THAP6: variants seen among roughly 807,000 people sequenced by gnomAD.
THAP6 encodes the protein THAP domain-containing protein 6.
Under a neutral mutation model 20.0 loss-of-function variants are expected in THAP6, and 13 were observed. The observed-to-expected ratio is 0.65, with a 90% CI of 0.42 to 1.03. The LOEUF (loss-of-function observed/expected upper bound fraction) is 1.03, where lower values mean the gene tolerates loss of function less well. Among genes scored for constraint, THAP6 ranks in the 50% least tolerant of loss-of-function variants. THAP6 has a pLI of 0.00. For synonymous variants in THAP6, 93 were observed against 92.2 expected (o/e 1.01, Z -0.05); for missense variants, 262 against 261.6 (o/e 1.00, Z -0.01).
At chr4:75,517,395 G>A (rs904591412) in intron 3 of THAP6, 6 of 158,242 alleles carry the variant, frequency 3.8e-5, no homozygotes, top group Admixed American at 1.2e-4. Flanking sequence ...TTCATTTGAA[G>A]TCTGTTCTTG....
intron 4 of THAP6, among the ~76,000 whole-genome samples, chr4:75,525,927 T>C (rs559597612): frequency 6.6e-6 from 1 of 152,336 alleles, no homozygotes; most frequent in African/African-American, 2.4e-5. Flanking sequence ...CTCATGTGCA[T>C]GTGCTGATCT....
Position 75,516,799 on chromosome 4 carries a change from G to C in THAP6, c.108G>C (p.Arg36Ser), listed in dbSNP as rs775749395. Residue 36 changes from arginine to serine, a missense_variant, in exon 3 of 5, where the codon AGG becomes AGC. Arg to Ser is a moderately radical substitution (Grantham distance 110). Coordinates refer to ENST00000311638, the MANE Select transcript of THAP6 (RefSeq NM_144721.6). The part of the protein sequence containing the change: ...HVFPTDENIK[R>S]KWVLAMKRLD... Reference sequence around the variant, plus strand: ...TCCCCACAGATGAAAACATCAAAAGGAAATGGGTATTAGCAATGAAAAGAC... The same window carrying C: ...TCCCCACAGATGAAAACATCAAAAGCAAATGGGTATTAGCAATGAAAAGAC... 4.3e-6 allele frequency: 7 copies of C among 1,613,636 alleles called. No homozygotes were observed. The highest frequency in any genetic ancestry group is 5.9e-6 in the Non-Finnish European group (7 of 1,179,894).
At chr4:75,520,860 A>C (rs1725977257) in intron 3 of THAP6, among the ~76,000 whole-genome samples, 1 of 152,162 alleles carries the variant, frequency 6.6e-6, no homozygotes, top group Non-Finnish European at 1.5e-5. Flanking sequence ...GCAAAATGTT[A>C]TCTTTTTGTT....
chr4:75,514,282 G>T (rs1218848396), upstream of THAP6: 1 of 1,611,506 alleles, frequency 6.2e-7, no homozygotes, highest in African/African-American at 1.3e-5. Context: ...GGCCGTCGCC[G>T]CCATCTCCTC....
intron 3 of THAP6, among the ~76,000 whole-genome samples, chr4:75,546,981 G>A (rs1034177567): frequency 5.3e-5 from 8 of 152,176 alleles, no homozygotes; most frequent in African/African-American, 1.9e-4. Context: ...CAGGGTGTGA[G>A]CAGGAGAAAA....
chr4:75,533,828 T>C (rs1190014659), downstream of THAP6, among the ~76,000 whole-genome samples: 1 of 152,136 alleles, frequency 6.6e-6, no homozygotes, highest in African/African-American at 2.4e-5. Flanking sequence ...TCCTTACATA[T>C]GTATACATGT....
At chr4:75,517,452 TAGG>T (rs1390245940) in intron 3 of THAP6, 1 of 153,948 alleles carries the variant, frequency 6.5e-6, no homozygotes, top group Non-Finnish European at 1.4e-5. Flanking sequence ...TAATGTGTAG[TAGG>T]AGTATTTTAC....
At chr4:75,516,654 C>A (rs564928830) in intron 2 of THAP6, 118 bp from the exon 3 acceptor site, 112 of 796,000 alleles carry the variant, frequency 1.4e-4, no homozygotes, top group Middle Eastern at 3.6e-4. Context: ...TATTATAATT[C>A]TCAAGACTAA....
chr4:75,538,930 A>T (rs2148831215), intron 2 of THAP6, among the ~76,000 whole-genome samples: 1 of 152,352 alleles, frequency 6.6e-6, no homozygotes, highest in African/African-American at 2.4e-5. Flanking sequence ...AGGGTCCATG[A>T]TGAGCACTAG....
Position 75,527,314 on chromosome 4 carries a change from G to A in THAP6, c.*100G>A. 2 of 1,520,252 alleles carry A rather than the reference G, an allele frequency of 1.3e-6. No individual in the cohort carries two copies. The highest frequency in any genetic ancestry group is 1.8e-6 in the Non-Finnish European group (2 of 1,136,732). The allele number at this position is 1,520,252 out of a possible 1,614,324, so 94.2% of individuals were successfully genotyped here. A position where few individuals can be genotyped will look rare whatever the true frequency, so the allele number is the denominator to read the frequency against. On this transcript the variant is annotated 3_prime_UTR_variant, in exon 5 of 5. Coordinates refer to ENST00000311638, the MANE Select transcript of THAP6 (RefSeq NM_144721.6). ...AATAATATCCATCATTTAAAGTGCT[G>A]CTTTGGATTCTCTGGAGCATTATGC... is the stretch of plus-strand genomic sequence containing the variant.
At chr4:75,541,913 C>T (rs1208859400) in intron 2 of THAP6, among the ~76,000 whole-genome samples, 1 of 150,442 alleles carries the variant, frequency 6.6e-6, no homozygotes, top group Non-Finnish European at 1.5e-5. Flanking sequence ...GCCAAGATTG[C>T]ACCACTGTAC....
intron 2 of THAP6, chr4:75,542,385 A>ATTTC: frequency 1.4e-6 from 1 of 700,630 alleles, no homozygotes; most frequent in Admixed American, 2.0e-5. Flanking sequence ...AAATCCTCGT[A>ATTTC]TTTCTGCCTG....
intron 3 of THAP6, among the ~76,000 whole-genome samples, chr4:75,546,555 G>T (rs141997348): frequency 1.3e-5 from 2 of 152,192 alleles, no homozygotes; most frequent in Non-Finnish European, 2.9e-5. Flanking sequence ...AAGAATATGG[G>T]CATGTGTTAG....
At chr4:75,546,723 C>G (rs911249311) in intron 3 of THAP6, among the ~76,000 whole-genome samples, 1 of 152,186 alleles carries the variant, frequency 6.6e-6, no homozygotes, top group Non-Finnish European at 1.5e-5. Context: ...ACTGCAGTTC[C>G]AGTCCAAAAG....
At chr4:75,521,057 T>C (rs536241417) in intron 3 of THAP6, among the ~76,000 whole-genome samples, 59 of 152,178 alleles carry the variant, frequency 3.9e-4, no homozygotes, top group African/African-American at 1.2e-3. Context: ...TCCTTTTTTT[T>C]CTCCCCTTTC....
At chr4:75,524,683 TACTC>T (rs1233766665) in intron 4 of THAP6, among the ~76,000 whole-genome samples, 3 of 152,198 alleles carry the variant, frequency 2.0e-5, no homozygotes, top group Non-Finnish European at 2.9e-5. Flanking sequence ...ATTAATGTCA[TACTC>T]ACCTTTATTC....
In THAP6 at chr4:75,527,438, T is replaced by G; in HGVS notation, c.*224T>G. ...ACAATTATGTTTTATAGACCTACAC[T>G]AGTGCCAGGTCACTATTGTAAGATG... On this transcript the variant is annotated 3_prime_UTR_variant, in exon 5 of 5. Transcript: ENST00000311638. The G allele has an allele frequency of 7.5e-7, 1 of 1,334,688 alleles. No individual in the cohort carries two copies. Among genetic ancestry groups the G allele is most frequent in the Non-Finnish European group, 9.6e-7 (1 of 1,043,450 alleles). The allele number at this position is 1,334,688 out of a possible 1,614,324, so 82.7% of individuals were successfully genotyped here.
upstream of THAP6, chr4:75,514,399 A>G (rs1318534315): frequency 8.0e-7 from 1 of 1,242,632 alleles, no homozygotes; most frequent in Non-Finnish European, 1.1e-6. Flanking sequence ...CACTAGCGAC[A>G]ATATGGCTCC....
At chr4:75,545,264 G>A (rs1034028470) in intron 3 of THAP6, among the ~76,000 whole-genome samples, 6 of 152,160 alleles carry the variant, frequency 3.9e-5, no homozygotes, top group Admixed American at 3.9e-4. Flanking sequence ...TTAATACTCT[G>A]TTTCAAACCA....
Sources: gnomAD v4.1 joint callset for allele counts (sites outside exome capture counted in the v4.1 genomes callset) on GRCh38, gnomAD v4.1.1 for gene constraint, MANE v1.5 for transcripts, NCBI Gene and HGNC (gene_info 2026-07-23, HGNC 2026-07-21) for gene names.